ATN1: variants seen among roughly 807,000 people sequenced by gnomAD.
The protein encoded by ATN1 is atrophin-1.
ATN1 carries 19 observed loss-of-function variants against 85.8 expected under a neutral mutation model. The observed-to-expected ratio is 0.22, with a 90% CI of 0.15 to 0.32. ATN1 has a LOEUF of 0.32. Among genes scored for constraint, ATN1 ranks in the 10% least tolerant of loss-of-function variants. The pLI is 1.00. For missense variants in ATN1, 1,453 were observed against 1,564.5 expected (o/e 0.93, Z 1.20); for synonymous variants, 674 against 657.0 (o/e 1.03, Z -0.39).
rs1382597320 is a variant in ATN1, at chr12:6,934,305, A to G, written c.157A>G (p.Thr53Ala). Reference protein sequence around the residue: ...SDGKAEKSRQTAKKARVEEAS... With the variant: ...SDGKAEKSRQAAKKARVEEAS... ...TGGCAAAGCTGAGAAGTCCAGGCAG[A>G]CAGCCAAGGTATTCTGTCCTCAGGT... is the stretch of plus-strand genomic sequence containing the variant. The change falls in exon 3 of 10, where the codon ACA (threonine) becomes GCA (alanine). Residue 53 changes from threonine to alanine, a missense_variant. By Grantham distance (58) the Thr-to-Ala change is moderately conservative. Coordinates refer to ENST00000396684, the MANE Select transcript of ATN1 (RefSeq NM_001940.4). This position sits in a 1 kb window ranked among gnomAD's most constrained non-coding sequence, Gnocchi z 4.5. The G allele has an allele frequency of 6.4e-7, 1 of 1,569,338 alleles. No individual in the cohort carries two copies. Among genetic ancestry groups the G allele is most frequent in the Non-Finnish European group, 8.6e-7 (1 of 1,163,918 alleles).
rs1945629231 is a variant in ATN1, at chr12:6,941,129, G to T, written c.3358+106G>T. 4 of 1,411,104 alleles carry T rather than the reference G, an allele frequency of 2.8e-6. No individual in the cohort carries two copies. The highest frequency in any genetic ancestry group is 4.7e-5 in the East Asian group (2 of 42,372). 87.4% of individuals were successfully genotyped at this position (1,411,104 alleles called of 1,614,324 possible). On this transcript the variant is annotated intron_variant, in intron 8 of 9. Transcript: ENST00000396684. The surrounding 1 kb of genome is among the most constrained non-coding windows in gnomAD (Gnocchi z 5.9). ...TGGGCTTGGGGAGGGATGAGGAGGT[G>T]CCTAGAGGAGCTGGGCATGGGAATA...
chr12:6,941,690 A>G lies in ATN1; in HGVS notation c.3540-57A>G. ...CCAACCCCTTCGGTAAGAGGGGGCA[A>G]GGTCAGAGTTGGTCTCAAGTCTCTT... On this transcript the variant is annotated intron_variant, in intron 9 of 9. Transcript: ENST00000396684. This position sits in a 1 kb window ranked among gnomAD's most constrained non-coding sequence, Gnocchi z 5.9. 3.1e-6 allele frequency: 5 copies of G among 1,598,544 alleles called. No homozygotes were observed. The highest frequency in any genetic ancestry group is 4.3e-6 in the Non-Finnish European group (5 of 1,166,088).
At chr12:6,933,748 G>C in intron 1 of ATN1, 92 bp from the exon 2 acceptor site, 1 of 582,006 alleles carries the variant, frequency 1.7e-6, no homozygotes, top group Non-Finnish European at 3.1e-6. Flanking sequence ...GCTTAGGGTT[G>C]GGCCGCTTGC....
chr12:6,941,087 G>A lies in ATN1; in HGVS notation c.3358+64G>A, dbSNP rs1423557883. ...AAGGGCAGAAAGGAGGTATTTGGGT[G>A]GGGGGATGGGCCTAGTTGGGCTTGG... On this transcript the variant is annotated intron_variant, in intron 8 of 9. Transcript: ENST00000396684. The surrounding 1 kb of genome is among the most constrained non-coding windows in gnomAD (Gnocchi z 5.9). 9 of 1,581,884 alleles carry A rather than the reference G, an allele frequency of 5.7e-6. No individual in the cohort carries two copies. The highest frequency in any genetic ancestry group is 6.0e-6 in the Non-Finnish European group (7 of 1,160,716).
chr12:6,940,006 G>A (rs782164611), intron 7 of ATN1, among the ~76,000 whole-genome samples: 11 of 152,158 alleles, frequency 7.2e-5, no homozygotes, highest in Non-Finnish European at 1.0e-4. Flanking sequence ...TTTTTGAGAC[G>A]GAGTCTCGCC....
Position 6,934,447 on chromosome 12 carries a change from T to C in ATN1, c.166-18T>C, listed in dbSNP as rs141257732. 4.4e-6 allele frequency: 7 copies of C among 1,595,048 alleles called. No homozygotes were observed. In the African/African-American group the frequency reaches 8.1e-5, roughly 18 times the overall value. Reference sequence around the variant, plus strand: ...GGAGGTAGGGAAAAGACAGGAATTTTCTCTTTCTCTCTAACAGAAGGCCCG... The same window carrying C: ...GGAGGTAGGGAAAAGACAGGAATTTCCTCTTTCTCTCTAACAGAAGGCCCG... On this transcript the variant is annotated intron_variant, in intron 3 of 9. Coordinates refer to ENST00000396684, the MANE Select transcript of ATN1 (RefSeq NM_001940.4). This position sits in a 1 kb window ranked among gnomAD's most constrained non-coding sequence, Gnocchi z 4.5.
At position 6,936,107 on chromosome 12, in the gene ATN1, G is replaced by C; in HGVS notation, c.840G>C (p.Val280=). The change falls in exon 5 of 10, where the codon GTG becomes GTC. Residue 280 remains valine, a synonymous_variant. Coordinates refer to ENST00000396684, the MANE Select transcript of ATN1 (RefSeq NM_001940.4). ...CAACAAAGCCGCCTACCACTCCAGT[G>C]GGTGGTGGGAACCTACCTTCTGCTC... ...APPTKPPTTP[V]GGGNLPSAPP... The C allele has an allele frequency of 6.5e-7, 1 of 1,528,998 alleles. No individual in the cohort carries two copies. Among genetic ancestry groups the C allele is most frequent in the Non-Finnish European group, 8.8e-7 (1 of 1,139,222 alleles). 94.7% of individuals were successfully genotyped at this position (1,528,998 alleles called of 1,614,324 possible).
rs908937787 is a variant in ATN1, at chr12:6,935,012, C to T, written c.279+434C>T. Reference sequence around the variant, plus strand: ...TTCAAACAATTGTGCCTCAGCCTCCCGAGTGGCTGGGATTATAGGCATGAG... The same window carrying T: ...TTCAAACAATTGTGCCTCAGCCTCCTGAGTGGCTGGGATTATAGGCATGAG... On this transcript the variant is annotated intron_variant, in intron 4 of 9. Coordinates refer to ENST00000396684, the MANE Select transcript of ATN1 (RefSeq NM_001940.4). This position sits in a 1 kb window ranked among gnomAD's most constrained non-coding sequence, Gnocchi z 5.3. 3.3e-5 allele frequency among the ~76,000 whole-genome samples: 5 copies of T among 152,086 alleles called. No individual in the cohort carries two copies. Among genetic ancestry groups the T allele is most frequent in the South Asian group, 2.1e-4 (1 of 4,830 alleles).
rs1945545438 is a variant in ATN1, at chr12:6,936,769, A to AGCAGCAGCG, written c.1508_1509insGCGGCAGCA (p.Gln502_His503insGlnArgGln). On this transcript the variant is annotated inframe_insertion, in exon 5 of 10. Coordinates refer to ENST00000396684, the MANE Select transcript of ATN1 (RefSeq NM_001940.4). ...CAGCAGCAGCAGCAGCAGCAGCAGCAGCAGCATCACGGAAACTCTGGGCCC... is the reference window on the plus strand; with the variant it reads ...CAGCAGCAGCAGCAGCAGCAGCAGCAGCAGCAGCGGCAGCATCACGGAAACTCTGGGCCC... The AGCAGCAGCG allele has an allele frequency of 6.4e-7, 1 of 1,568,370 alleles. No homozygotes were observed. Among genetic ancestry groups the AGCAGCAGCG allele is most frequent in the African/African-American group, 1.4e-5 (1 of 70,142 alleles).
In ATN1 at chr12:6,937,232, C is replaced by A. The variant is rs782518132; in HGVS notation, c.1965C>A (p.Pro655=). The change falls in exon 5 of 10, where the codon CCC becomes CCA. Residue 655 remains proline, a synonymous_variant. Coordinates refer to ENST00000396684, the MANE Select transcript of ATN1 (RefSeq NM_001940.4). The surrounding 1 kb of genome is among the most constrained non-coding windows in gnomAD (Gnocchi z 6.0). Reference sequence around the variant, plus strand: ...GGGCCTACAAGACAGCCACCCCACCCGGATACAAACCCGGGTCGCCTCCCT... The same window carrying A: ...GGGCCTACAAGACAGCCACCCCACCAGGATACAAACCCGGGTCGCCTCCCT... ...SPGAYKTATP[P]GYKPGSPPSF... The A allele has an allele frequency of 6.2e-7, 1 of 1,611,960 alleles. No homozygotes were observed. The highest frequency in any genetic ancestry group is 1.7e-5 in the Admixed American group (1 of 60,006).
chr12:6,939,830 G>A (rs1945610362), intron 7 of ATN1, among the ~76,000 whole-genome samples: 1 of 152,096 alleles, frequency 6.6e-6, no homozygotes, highest in Non-Finnish European at 1.5e-5. Flanking sequence ...GATTTCTCTG[G>A]ATTCAACTCA....
chr12:6,929,036 T>C (rs377363714), intron 1 of ATN1, among the ~76,000 whole-genome samples: 9 of 152,274 alleles, frequency 5.9e-5, no homozygotes, highest in African/African-American at 2.2e-4. Flanking sequence ...TTTGTGACGG[T>C]TTTCATTCCC....
Position 6,936,635 on chromosome 12 carries a change from T to G in ATN1, c.1368T>G (p.Asn456Lys). 1 of 1,612,898 alleles carries G rather than the reference T, an allele frequency of 6.2e-7. No individual in the cohort carries two copies. The highest frequency in any genetic ancestry group is 1.1e-5 in the South Asian group (1 of 91,044). ...ATGGCCGCCTCTTAGCCAACAGCAA[T>G]GCCCATCCAGGCCCCTTCCCTCCCT... is the stretch of plus-strand genomic sequence containing the variant. The part of the protein sequence containing the change: ...PPYGRLLANS[N>K]AHPGPFPPST... Residue 456 changes from asparagine (N) to lysine (K), a missense_variant, in exon 5 of 10, where the codon AAT becomes AAG. Around this residue, in one of 6 missense-constraint regions of ATN1, gnomAD observed 990 missense variants for 914.8 expected, o/e 1.08. Transcript: ENST00000396684.
At chr12:6,930,652 C>T (rs868989097) in intron 1 of ATN1, among the ~76,000 whole-genome samples, 4 of 152,032 alleles carry the variant, frequency 2.6e-5, no homozygotes, top group Admixed American at 1.3e-4. Context: ...AAAAATTAGC[C>T]GGGCGTGGTG....
At position 6,941,521 on chromosome 12, in the gene ATN1, G is replaced by C. The variant is rs782073527; in HGVS notation, c.3506G>C (p.Ser1169Thr). Residue 1169 changes from serine to threonine, a missense_variant, in exon 9 of 10, where the codon AGT becomes ACT. By Grantham distance (58) the Ser-to-Thr change is moderately conservative (BLOSUM62 1). This residue lies in a region of ATN1 where 118 missense variants were observed against 163.7 expected (regional missense o/e 0.72). Transcript: ENST00000396684. The surrounding 1 kb of genome is among the most constrained non-coding windows in gnomAD (Gnocchi z 5.9). ...CTGCATGCCCATCACCCGCTGCACA[G>C]TGTGCCGCTGCCTGCCCAGGAGGAC... is the stretch of plus-strand genomic sequence containing the variant. ...QWLHAHHPLH[S>T]VPLPAQEDYY... 1.2e-6 allele frequency: 2 copies of C among 1,612,556 alleles called. No homozygotes were observed. Among genetic ancestry groups the C allele is most frequent in the South Asian group, 2.2e-5 (2 of 91,092 alleles).
Position 6,936,901 on chromosome 12 carries a change from G to A in ATN1, c.1634G>A (p.Gly545Glu). Residue 545 changes from glycine to glutamate, a missense_variant, in exon 5 of 10, where the codon GGG becomes GAG. This residue lies in a region of ATN1 where 990 missense variants were observed against 914.8 expected (regional missense o/e 1.08). Coordinates refer to ENST00000396684, the MANE Select transcript of ATN1 (RefSeq NM_001940.4). ...SLGSLRPYPP[G>E]PAHLPPPHSQ... Reference sequence around the variant, plus strand: ...GGGTCTCTGAGGCCCTACCCACCAGGGCCAGCACACCTGCCCCCACCTCAC... The same window carrying A: ...GGGTCTCTGAGGCCCTACCCACCAGAGCCAGCACACCTGCCCCCACCTCAC... 1 of 1,613,948 alleles carries A rather than the reference G, an allele frequency of 6.2e-7. No individual in the cohort carries two copies. The highest frequency in any genetic ancestry group is 8.5e-7 in the Non-Finnish European group (1 of 1,179,956).
Position 6,937,498 on chromosome 12 carries a change from C to G in ATN1, c.2231C>G (p.Ala744Gly), listed in dbSNP as rs782424240. The G allele has an allele frequency of 1.3e-6, 2 of 1,544,210 alleles. No homozygotes were observed. Among genetic ancestry groups the G allele is most frequent in the Admixed American group, 4.0e-5 (2 of 50,086 alleles). ...YETPESPVPP[A>G]RSPSPPPKVV... Reference sequence around the variant, plus strand: ...ACCCCCGAGAGCCCGGTGCCCCCAGCCCGCAGCCCCTCGCCCCCTCCCAAG... The same window carrying G: ...ACCCCCGAGAGCCCGGTGCCCCCAGGCCGCAGCCCCTCGCCCCCTCCCAAG... The change falls in exon 5 of 10, where the codon GCC (alanine) becomes GGC (glycine). Residue 744 changes from alanine (A) to glycine (G), a missense_variant. Around this residue, in one of 6 missense-constraint regions of ATN1, gnomAD observed 990 missense variants for 914.8 expected, o/e 1.08. Transcript: ENST00000396684. This position sits in a 1 kb window ranked among gnomAD's most constrained non-coding sequence, Gnocchi z 6.0.
In ATN1 at chr12:6,934,406, G is replaced by GT; in HGVS notation, c.166-58dup. The GT allele has an allele frequency of 6.2e-7, 1 of 1,608,304 alleles. No homozygotes were observed. The highest frequency in any genetic ancestry group is 8.5e-7 in the Non-Finnish European group (1 of 1,176,650). On this transcript the variant is annotated intron_variant, in intron 3 of 9. Coordinates refer to ENST00000396684, the MANE Select transcript of ATN1 (RefSeq NM_001940.4). This position sits in a 1 kb window ranked among gnomAD's most constrained non-coding sequence, Gnocchi z 4.5. ...GGGGGAACTTCCTGTTTGGCAGAGGGTAACGGTGGAGCTCGGGAGGTAGGG... is the reference window on the plus strand; with the variant it reads ...GGGGGAACTTCCTGTTTGGCAGAGGGTTAACGGTGGAGCTCGGGAGGTAGGG...
At position 6,933,903 on chromosome 12, in the gene ATN1, C is replaced by T; in HGVS notation, c.-99C>T. On this transcript the variant is annotated 5_prime_UTR_variant, in exon 2 of 10. Coordinates refer to ENST00000396684, the MANE Select transcript of ATN1 (RefSeq NM_001940.4). ...CCACACTGGAAACTTGGAGATCCTG[C>T]TTCCCAGACCACAGCTGTGGGGAAC... 1 of 1,460,230 alleles carries T rather than the reference C, an allele frequency of 6.8e-7. No homozygotes were observed. Among genetic ancestry groups the T allele is most frequent in the Non-Finnish European group, 9.4e-7 (1 of 1,069,246 alleles). 90.5% of individuals were successfully genotyped at this position (1,460,230 alleles called of 1,614,324 possible).
Sources: gnomAD v4.1 joint callset for allele counts (sites outside exome capture counted in the v4.1 genomes callset) on GRCh38, gnomAD v4.1.1 for gene constraint, gnomAD v4.1.1 regional missense constraint, Gnocchi (gnomAD v3.1) non-coding constraint, MANE v1.5 for transcripts, NCBI Gene and HGNC (gene_info 2026-07-23, HGNC 2026-07-21) for gene names.